MCU: variants seen among roughly 807,000 people sequenced by gnomAD.
MCU encodes calcium uniporter protein, mitochondrial.
Under a neutral mutation model 45.2 loss-of-function variants are expected in MCU, and 12 were observed. The ratio of observed to expected loss-of-function variants is 0.27; its 90% confidence interval spans 0.17 to 0.43. MCU has a LOEUF of 0.43. Ranked by LOEUF, MCU falls within the 20% of genes least tolerant of loss-of-function variation. The pLI is 1.00. For missense variants in MCU, 324 were observed against 436.7 expected (o/e 0.74, Z 2.30); for synonymous variants, 160 against 165.1 (o/e 0.97, Z 0.24).
At chr10:72,802,592 T>C (rs1844360353) in intron 1 of MCU, among the ~76,000 whole-genome samples, 1 of 152,204 alleles carries the variant, frequency 6.6e-6, no homozygotes, top group African/African-American at 2.4e-5. Flanking sequence ...TTGTAGACCA[T>C]TGGATAGCCA....
At position 72,713,947 on chromosome 10, in the gene MCU, TTGTGTG is replaced by T. The variant is rs72292523; in HGVS notation, c.150+21682_150+21687del. ...TGAATTTGTTTTCCTCTTTCATCAT[TTGTGTG>T]TGTGTGTGTGTGTGTGTGTGTGTGT... On this transcript the variant is annotated intron_variant, in intron 1 of 7. Coordinates refer to ENST00000373053, the MANE Select transcript of MCU (RefSeq NM_138357.3). 6.7e-3 allele frequency among the ~76,000 whole-genome samples: 936 copies of T among 138,962 alleles called. 6 individuals carry two copies. Among genetic ancestry groups the T allele is most frequent in the Middle Eastern group, 0.017 (5 of 286 alleles). 91.2% of individuals were successfully genotyped at this position (138,962 alleles called of 152,430 possible). A position where few individuals can be genotyped will look rare whatever the true frequency, so the allele number is the denominator to read the frequency against.
intron 1 of MCU, among the ~76,000 whole-genome samples, chr10:72,774,073 C>T (rs1440561027): frequency 6.6e-6 from 1 of 152,120 alleles, no homozygotes; most frequent in Non-Finnish European, 1.5e-5. Context: ...CATATAAAAT[C>T]CACTGGTAAA....
intron 1 of MCU, among the ~76,000 whole-genome samples, chr10:72,821,570 C>G (rs1010220774): frequency 1.3e-5 from 2 of 152,044 alleles, no homozygotes; most frequent in Admixed American, 6.6e-5. Context: ...AACAAGCATG[C>G]TTTTCTGCTT....
At chr10:72,858,119 CA>C (rs902484680) in intron 2 of MCU, among the ~76,000 whole-genome samples, 4 of 152,046 alleles carry the variant, frequency 2.6e-5, no homozygotes, top group Non-Finnish European at 4.4e-5. Context: ...ATTCAGAAGC[CA>C]AAAACAGACA....
chr10:72,827,317 A>G (rs910427836), intron 1 of MCU, among the ~76,000 whole-genome samples: 2 of 152,244 alleles, frequency 1.3e-5, no homozygotes, highest in African/African-American at 4.8e-5. Context: ...AATACATTCA[A>G]TGACCATCTC....
intron 1 of MCU, chr10:72,712,318 G>A (rs1842905268): frequency 6.6e-6 from 1 of 152,134 alleles, no homozygotes. Context: ...TACTTCCTGA[G>A]AGAAGGCAGA....
At chr10:72,852,184 CATGTT>C (rs1845217484) in intron 2 of MCU, among the ~76,000 whole-genome samples, 1 of 152,176 alleles carries the variant, frequency 6.6e-6, no homozygotes, top group East Asian at 1.9e-4. Flanking sequence ...GAAATATTCT[CATGTT>C]AGTGGTTCTG....
chr10:72,702,989 A>G (rs372420964), intron 1 of MCU, among the ~76,000 whole-genome samples: 1 of 149,198 alleles, frequency 6.7e-6, no homozygotes, highest in Non-Finnish European at 1.5e-5. Flanking sequence ...AAAAAAAGAA[A>G]AAAAAAAAAA....
chr10:72,821,572 T>C (rs1449555635), intron 1 of MCU, among the ~76,000 whole-genome samples: 1 of 152,124 alleles, frequency 6.6e-6, no homozygotes, highest in Admixed American at 6.5e-5. Context: ...CAAGCATGCT[T>C]TTCTGCTTGA....
intron 1 of MCU, among the ~76,000 whole-genome samples, chr10:72,731,397 T>C (rs1402914377): frequency 6.6e-6 from 1 of 152,248 alleles, no homozygotes; most frequent in East Asian, 1.9e-4. Flanking sequence ...ATAGCTGTCC[T>C]TAACTTCAGT....
intron 1 of MCU, among the ~76,000 whole-genome samples, chr10:72,763,281 T>C (rs1397754599): frequency 2.0e-5 from 3 of 152,146 alleles, no homozygotes; most frequent in African/African-American, 7.2e-5. Context: ...TTTGGGGTCC[T>C]TATTTCACCT....
intron 2 of MCU, among the ~76,000 whole-genome samples, chr10:72,835,187 A>G (rs1056503444): frequency 1.3e-5 from 2 of 152,240 alleles, no homozygotes; most frequent in Non-Finnish European, 2.9e-5. Context: ...GGGAAGGGAT[A>G]AACAGATGCT....
intron 1 of MCU, among the ~76,000 whole-genome samples, chr10:72,713,273 T>G (rs1425762530): frequency 2.0e-5 from 3 of 151,818 alleles, no homozygotes; most frequent in African/African-American, 7.3e-5. Context: ...AATGGGAGAG[T>G]TTTTTTTGTT....
chr10:72,866,398 G>A (rs1176052516), intron 4 of MCU, among the ~76,000 whole-genome samples: 5 of 151,914 alleles, frequency 3.3e-5, no homozygotes, highest in Admixed American at 6.6e-5. Flanking sequence ...AATAATACTA[G>A]GGTTTTTTTG....
chr10:72,838,883 T>A lies in MCU; in HGVS notation c.220+4455T>A, dbSNP rs73286797. ...TTGGGAACCAGATACATGCTCCAGC[T>A]TTTTTTGTTTGTTTTCTGTCCTGCT... On this transcript the variant is annotated intron_variant, in intron 2 of 7. Coordinates refer to ENST00000373053, the MANE Select transcript of MCU (RefSeq NM_138357.3). Among the ~76,000 whole-genome samples, 687 of 152,264 alleles carry A rather than the reference T, an allele frequency of 4.5e-3. 6 individuals carry two copies. Among genetic ancestry groups the A allele is most frequent in the Middle Eastern group, 0.017 (5 of 294 alleles).
intron 1 of MCU, among the ~76,000 whole-genome samples, chr10:72,737,047 A>C (rs913567870): frequency 6.6e-6 from 1 of 152,240 alleles, no homozygotes; most frequent in African/African-American, 2.4e-5. Flanking sequence ...GGGGTATATG[A>C]ATTGTGGTTT....
At chr10:72,874,083 G>A (rs762811288) in intron 6 of MCU, among the ~76,000 whole-genome samples, 29 of 152,070 alleles carry the variant, frequency 1.9e-4, no homozygotes, top group Admixed American at 8.5e-4. Flanking sequence ...GGCTGTTCAA[G>A]GTTTTTTCTG....
In MCU at chr10:72,780,511, AGTGTGT is replaced by A. The variant is rs60306247; in HGVS notation, c.151-53813_151-53808del. Among the ~76,000 whole-genome samples, 134 of 110,654 alleles carry A rather than the reference AGTGTGT, an allele frequency of 1.2e-3. 1 individual carries two copies. Among genetic ancestry groups the A allele is most frequent in the African/African-American group, 2.9e-3 (91 of 31,232 alleles). 72.6% of individuals were successfully genotyped at this position (110,654 alleles called of 152,430 possible). ...AATGTTCTGAAGTATTCTTTGGCTA[AGTGTGT>A]GTGTGTGTGTGTGTGTGTGTGTGTG... On this transcript the variant is annotated intron_variant, in intron 1 of 7. Transcript: ENST00000373053.
At chr10:72,849,702 A>G (rs762077044) in intron 2 of MCU, among the ~76,000 whole-genome samples, 3 of 152,192 alleles carry the variant, frequency 2.0e-5, no homozygotes, top group Non-Finnish European at 4.4e-5. Context: ...AAAAGCTAGA[A>G]GCATCATAGA....
Sources: gnomAD v4.1 joint callset for allele counts (sites outside exome capture counted in the v4.1 genomes callset) on GRCh38, gnomAD v4.1.1 for gene constraint, MANE v1.5 for transcripts, NCBI Gene and HGNC (gene_info 2026-07-23, HGNC 2026-07-21) for gene names.